CACNA1A: variants seen among roughly 807,000 people sequenced by gnomAD.
CACNA1A encodes voltage-dependent P/Q-type calcium channel subunit alpha-1A.
A neutral mutation model predicts 262.4 loss-of-function variants in CACNA1A; 57 were observed. The observed-to-expected ratio is 0.22, with a 90% CI of 0.18 to 0.27. The LOEUF (loss-of-function observed/expected upper bound fraction) is 0.27, where lower values mean the gene tolerates loss of function less well. Ranked by LOEUF, CACNA1A falls within the 10% of genes least tolerant of loss-of-function variation. CACNA1A has a pLI of 1.00. For missense variants in CACNA1A, 2,526 were observed against 3,562.8 expected (o/e 0.71, Z 7.41); for synonymous variants, 1,431 against 1,419.3 (o/e 1.01, Z -0.18).
intron 30 of CACNA1A, among the ~76,000 whole-genome samples, chr19:13,248,053 T>G (rs2039402924): frequency 1.3e-5 from 2 of 152,122 alleles, no homozygotes; most frequent in African/African-American, 2.4e-5. Flanking sequence ...GGCTTAATAA[T>G]ACACTCTTTC....
At chr19:13,309,420 C>A (rs201050440) in intron 12 of CACNA1A, among the ~76,000 whole-genome samples, 4 of 151,686 alleles carry the variant, frequency 2.6e-5, no homozygotes, top group African/African-American at 9.7e-5. Context: ...AAGGCTAGGG[C>A]AGTGGCTCAT....
At chr19:13,432,416 A>AAAATAAATAAAT (rs201856945) in intron 3 of CACNA1A, among the ~76,000 whole-genome samples, 11,784 of 144,782 alleles carry the variant, frequency 0.081, 505 homozygotes, top group Middle Eastern at 0.12. Flanking sequence ...CTCCATCTCA[A>AAAATAAATAAAT]AAATAAATAA....
intron 3 of CACNA1A, among the ~76,000 whole-genome samples, chr19:13,405,665 T>C (rs2144714550): frequency 6.6e-6 from 1 of 152,276 alleles, no homozygotes; most frequent in South Asian, 2.1e-4. Context: ...ATTGAACAGA[T>C]GAAACAAATG....
Position 13,404,865 on chromosome 19 carries a change from T to G in CACNA1A, c.540-33086A>C, listed in dbSNP as rs181738759. ...AGGGCAAGGAGTGAGAGACTGTTAG[T>G]AAGAATGATGATAAAAATGATATTA... On this transcript the variant is annotated intron_variant, in intron 3 of 46. Transcript: ENST00000360228. Among the ~76,000 whole-genome samples the G allele has an allele frequency of 1.9e-3, 285 of 152,268 alleles. 1 individual carries two copies. Among genetic ancestry groups the G allele is most frequent in the Non-Finnish European group, 3.5e-3 (237 of 68,014 alleles).
intron 24 of CACNA1A, among the ~76,000 whole-genome samples, chr19:13,266,727 C>A (rs1464237734): frequency 2.6e-5 from 4 of 152,164 alleles, no homozygotes; most frequent in African/African-American, 7.2e-5. Flanking sequence ...GTGTGCACCA[C>A]CAAGCCCAGA....
At chr19:13,334,566 T>C in intron 7 of CACNA1A, 73 bp from the exon 8 acceptor site, 1 of 643,228 alleles carries the variant, frequency 1.6e-6, no homozygotes, top group Non-Finnish European at 2.8e-6. Flanking sequence ...TGTGTTTGTG[T>C]GTGTGTGTGT....
At chr19:13,294,785 G>A (rs1267853673) in intron 19 of CACNA1A, among the ~76,000 whole-genome samples, 1 of 151,972 alleles carries the variant, frequency 6.6e-6, no homozygotes, top group Non-Finnish European at 1.5e-5. Flanking sequence ...CATCACACTG[G>A]CCTGTACCTG....
chr19:13,209,184 G>GC, intron 45 of CACNA1A, 128 bp downstream of exon 45: 2 of 1,309,846 alleles, frequency 1.5e-6, no homozygotes, highest in Non-Finnish European at 2.0e-6. Flanking sequence ...CTGCTGCCTG[G>GC]CCCCCTCTGT....
chr19:13,257,196 A>G lies in CACNA1A; in HGVS notation c.4590+154T>C, dbSNP rs1056216038. On this transcript the variant is annotated intron_variant, in intron 28 of 46. Transcript: ENST00000360228. ...ATGATGTGTTTCCTCTGGAAACTCC[A>G]TGAAGGGCTGCCCTGAAGACTGGAT... is the stretch of plus-strand genomic sequence containing the variant. The G allele has an allele frequency of 8.1e-6, 5 of 615,774 alleles. No homozygotes were observed. In the African/African-American group the frequency reaches 9.3e-5, roughly 11 times the overall value. 38.1% of individuals were successfully genotyped at this position (615,774 alleles called of 1,614,324 possible).
At chr19:13,340,718 C>T (rs937715361) in intron 6 of CACNA1A, among the ~76,000 whole-genome samples, 6 of 152,164 alleles carry the variant, frequency 3.9e-5, no homozygotes, top group East Asian at 1.9e-4. Context: ...TGAGCCATCA[C>T]GCCTGGCCGA....
intron 1 of CACNA1A, among the ~76,000 whole-genome samples, chr19:13,458,377 G>A (rs1233333122): frequency 6.6e-6 from 1 of 151,896 alleles, no homozygotes; most frequent in East Asian, 1.9e-4. Flanking sequence ...GGGTGGTCTT[G>A]AACTCCTGGG....
At chr19:13,279,092 TA>T (rs2057222893) in intron 22 of CACNA1A, among the ~76,000 whole-genome samples, 1 of 152,086 alleles carries the variant, frequency 6.6e-6, no homozygotes, top group Non-Finnish European at 1.5e-5. Context: ...AGTAGTTGCT[TA>T]TCAAATACTT....
At chr19:13,480,774 C>G (rs1021827041) in intron 1 of CACNA1A, among the ~76,000 whole-genome samples, 8 of 152,178 alleles carry the variant, frequency 5.3e-5, no homozygotes, top group African/African-American at 1.9e-4. Flanking sequence ...CTATATTTAT[C>G]TATGAATATA....
intron 1 of CACNA1A, among the ~76,000 whole-genome samples, chr19:13,499,407 C>T (rs896152108): frequency 7.6e-6 from 1 of 131,204 alleles, no homozygotes; most frequent in African/African-American, 3.1e-5. Flanking sequence ...AAGAGCGCCA[C>T]GATCAGGTTA....
At chr19:13,437,827 G>A (rs988373315) in intron 3 of CACNA1A, among the ~76,000 whole-genome samples, 2 of 152,034 alleles carry the variant, frequency 1.3e-5, no homozygotes, top group African/African-American at 4.8e-5. Flanking sequence ...ATCAGAGCCA[G>A]GTTTCCATCC....
At chr19:13,256,017 C>A (rs138658589) in intron 28 of CACNA1A, among the ~76,000 whole-genome samples, 1 of 116,250 alleles carries the variant, frequency 8.6e-6, no homozygotes, top group African/African-American at 3.2e-5. Flanking sequence ...TTCTTTGACA[C>A]GGGCTTGCTT....
intron 3 of CACNA1A, among the ~76,000 whole-genome samples, chr19:13,374,098 T>C (rs140313233): frequency 6.6e-6 from 1 of 152,160 alleles, no homozygotes; most frequent in Non-Finnish European, 1.5e-5. Context: ...AGAGTGGCCA[T>C]GACAGAGAGC....
At chr19:13,436,985 C>T (rs2144858271) in intron 3 of CACNA1A, among the ~76,000 whole-genome samples, 1 of 152,336 alleles carries the variant, frequency 6.6e-6, no homozygotes, top group Non-Finnish European at 1.5e-5. Flanking sequence ...TTCAGGTTAG[C>T]TGGTGTCCCT....
At chr19:13,386,061 G>A (rs1210399846) in intron 3 of CACNA1A, among the ~76,000 whole-genome samples, 5 of 151,982 alleles carry the variant, frequency 3.3e-5, no homozygotes, top group African/African-American at 4.8e-5. Context: ...TAAGGTGGGC[G>A]GATCACCTGA....
Sources: allele counts gnomAD v4.1 joint callset (sites outside exome capture counted in the v4.1 genomes callset), GRCh38; gene constraint gnomAD v4.1.1; transcripts MANE v1.5; gene names NCBI Gene and HGNC (gene_info 2026-07-23, HGNC 2026-07-21).